Variants in IGSF5 observed in about 807,000 individuals in gnomAD.
IGSF5 encodes immunoglobulin superfamily 5 like.
IGSF5 carries 41 observed loss-of-function variants against 39.4 expected under a neutral mutation model. The observed-to-expected ratio is 1.04, with a 90% CI of 0.81 to 1.35. IGSF5 has a LOEUF of 1.35. Ranked by LOEUF, IGSF5 falls within the 40% of genes most tolerant of loss-of-function variation. The probability of loss-of-function intolerance (pLI) is 0.00; values close to 1 mark genes in which losing one functional copy is unlikely to be tolerated. For synonymous variants in IGSF5, 183 were observed against 175.3 expected, an observed-to-expected ratio of 1.04 and a Z score of -0.34; for missense variants, 487 against 494.6, an observed-to-expected ratio of 0.98 and a Z score of 0.15.
intron 2 of IGSF5, among the ~76,000 whole-genome samples, chr21:39,753,783 T>C (rs12483010): frequency 0.71 from 107,444 of 151,752 alleles, 40,760 homozygotes; most frequent in Non-Finnish European, 0.84. Flanking sequence ...CTGTTTTGTC[T>C]GAAATAAGAA....
At chr21:39,791,186 T>A (rs185952293) in intron 6 of IGSF5, among the ~76,000 whole-genome samples, 216 of 152,274 alleles carry the variant, frequency 1.4e-3, no homozygotes, top group Non-Finnish European at 2.5e-3. Flanking sequence ...CCGCTAGCAG[T>A]GTGTGAGAGC....
the IGSF5 span, among the ~76,000 whole-genome samples, chr21:39,717,256 G>C: frequency 3.3e-5 from 5 of 152,140 alleles, no homozygotes; most frequent in African/African-American, 1.2e-4. Flanking sequence ...TTTGTCAGAT[G>C]CATAGTTTGC....
chr21:39,712,006 C>T, the IGSF5 span, among the ~76,000 whole-genome samples: 6 of 152,136 alleles, frequency 3.9e-5, no homozygotes, highest in Admixed American at 3.9e-4. Flanking sequence ...CTCTGGGGAG[C>T]TGCAACGATG....
At chr21:39,759,222 T>G (rs1001888335) in intron 2 of IGSF5, among the ~76,000 whole-genome samples, 2 of 152,246 alleles carry the variant, frequency 1.3e-5, no homozygotes, top group African/African-American at 2.4e-5. Context: ...AGAAATGTTT[T>G]GTGACATTTT....
At chr21:39,778,966 G>A (rs986629561) in intron 4 of IGSF5, 124 bp from the exon 5 acceptor site, 37 of 1,130,736 alleles carry the variant, frequency 3.3e-5, no homozygotes, top group African/African-American at 7.8e-5. Context: ...GGCCTATGAC[G>A]CCTAGCCATA....
chr21:39,745,918 G>C lies in IGSF5; in HGVS notation c.18-298G>C, dbSNP rs1033507530. On this transcript the variant is annotated intron_variant, in intron 1 of 8. Coordinates refer to ENST00000380588, the MANE Select transcript of IGSF5 (RefSeq NM_001080444.2). ...TCGTGGTTGCCAAAATGTTACGGGG[G>C]GTGGGGGGTCCTTGCTCCCAGAGCT... Among the ~76,000 whole-genome samples, 4 of 152,240 alleles carry C rather than the reference G, an allele frequency of 2.6e-5. No homozygotes were observed. In the East Asian group the frequency reaches 7.7e-4, roughly 29 times the overall value.
chr21:39,781,207 C>CTT (rs1569256311), intron 5 of IGSF5, among the ~76,000 whole-genome samples: 5 of 151,832 alleles, frequency 3.3e-5, no homozygotes, highest in African/African-American at 1.2e-4. Flanking sequence ...ATATTCTCTT[C>CTT]CTTACATGAA....
At chr21:39,733,614 G>A in the IGSF5 span, among the ~76,000 whole-genome samples, 2 of 152,206 alleles carry the variant, frequency 1.3e-5, no homozygotes, top group Non-Finnish European at 2.9e-5. Context: ...TGCCTGGGAA[G>A]AGCTCCACAA....
the IGSF5 span, among the ~76,000 whole-genome samples, chr21:39,737,535 T>A: frequency 6.6e-6 from 1 of 152,202 alleles, no homozygotes; most frequent in Non-Finnish European, 1.5e-5. Flanking sequence ...TTCTTTTGGT[T>A]TAATCCATTT....
intron 5 of IGSF5, among the ~76,000 whole-genome samples, chr21:39,784,956 C>A (rs977148750): frequency 6.6e-6 from 1 of 151,594 alleles, no homozygotes; most frequent in Non-Finnish European, 1.5e-5. Context: ...TCTAGAGGGT[C>A]CCCAGGCTCC....
the IGSF5 span, chr21:39,730,042 G>A: frequency 1.3e-5 from 2 of 152,160 alleles, no homozygotes; most frequent in Non-Finnish European, 2.9e-5. Flanking sequence ...ACAATGGAAA[G>A]GCATTTGCTC....
intron 4 of IGSF5, among the ~76,000 whole-genome samples, chr21:39,778,628 A>C (rs535424378): frequency 3.4e-4 from 52 of 152,342 alleles, no homozygotes; most frequent in East Asian, 2.7e-3. Context: ...ACTGTCCCTC[A>C]GAATATTCTG....
chr21:39,765,144 C>A (rs764500488), intron 2 of IGSF5, among the ~76,000 whole-genome samples: 1 of 152,192 alleles, frequency 6.6e-6, no homozygotes, highest in Non-Finnish European at 1.5e-5. Context: ...CTCTGCATTT[C>A]TCTTATAGGG....
intron 2 of IGSF5, among the ~76,000 whole-genome samples, chr21:39,760,952 A>C (rs1024412527): frequency 2.0e-5 from 3 of 152,204 alleles, no homozygotes; most frequent in African/African-American, 4.8e-5. Context: ...AGTCTGGGCA[A>C]TCCTTAGCAA....
chr21:39,753,670 A>G (rs1034143041), intron 2 of IGSF5, among the ~76,000 whole-genome samples: 1 of 152,112 alleles, frequency 6.6e-6, no homozygotes, highest in African/African-American at 2.4e-5. Flanking sequence ...TGTTAGGTGC[A>G]TATAAATTTA....
At chr21:39,777,134 C>T (rs927297976) in intron 4 of IGSF5, among the ~76,000 whole-genome samples, 7 of 152,298 alleles carry the variant, frequency 4.6e-5, no homozygotes, top group African/African-American at 7.2e-5. Flanking sequence ...CTAAAGTTCT[C>T]GCTCAGTCAC....
Position 39,783,018 on chromosome 21 carries a change from A to G in IGSF5, c.934+3713A>G, listed in dbSNP as rs553301565. Among the ~76,000 whole-genome samples the G allele has an allele frequency of 2.6e-5, 4 of 152,236 alleles. No individual in the cohort carries two copies. In the South Asian group the frequency reaches 8.3e-4, roughly 32 times the overall value. ...CTGTGCCTGACTTATTTCACTTAAC[A>G]CAATGCCCTCCAGGCTCATCCATGT... On this transcript the variant is annotated intron_variant, in intron 5 of 8. Coordinates refer to ENST00000380588, the MANE Select transcript of IGSF5 (RefSeq NM_001080444.2).
intron 3 of IGSF5, among the ~76,000 whole-genome samples, chr21:39,766,652 G>A (rs1173769923): frequency 6.6e-6 from 1 of 152,098 alleles, no homozygotes; most frequent in Non-Finnish European, 1.5e-5. Context: ...TAATTTGGAG[G>A]TGCTGAAGAT....
chr21:39,772,115 C>G (rs1243526976), intron 4 of IGSF5, among the ~76,000 whole-genome samples: 1 of 152,244 alleles, frequency 6.6e-6, no homozygotes, highest in Non-Finnish European at 1.5e-5. Context: ...CACCCTATAG[C>G]TCTTACCAAG....
Sources: gnomAD v4.1 joint callset for allele counts (sites outside exome capture counted in the v4.1 genomes callset) on GRCh38, gnomAD v4.1.1 for gene constraint, MANE v1.5 for transcripts, NCBI Gene and HGNC (gene_info 2026-07-23, HGNC 2026-07-21) for gene names.